The following ACADSB variants were observed in gnomAD, a reference collection of about 807,000 sequenced individuals.
The protein encoded by ACADSB is acyl-CoA dehydrogenase short/branched chain.
ACADSB carries 40 observed loss-of-function variants against 54.1 expected under a neutral mutation model. The observed-to-expected ratio is 0.74, with a 90% CI of 0.57 to 0.96. The LOEUF (loss-of-function observed/expected upper bound fraction) is 0.96, where lower values mean the gene tolerates loss of function less well. ACADSB is among the 40% of genes least tolerant of loss of function. The probability of loss-of-function intolerance (pLI) is 0.00; values close to 1 mark genes in which losing one functional copy is unlikely to be tolerated. For synonymous variants in ACADSB, 182 were observed against 182.8 expected (o/e 1.00, Z 0.03); for missense variants, 530 against 510.4 (o/e 1.04, Z -0.37).
chr10:123,031,631 A>C (rs1234775503), intron 1 of ACADSB, among the ~76,000 whole-genome samples: 1 of 152,232 alleles, frequency 6.6e-6, no homozygotes, highest in African/African-American at 2.4e-5. Flanking sequence ...AGACTGTCAT[A>C]GTATTAATAA....
At chr10:123,051,253 TATTAAC>T in intron 9 of ACADSB, 67 bp downstream of exon 9, 2 of 1,413,862 alleles carry the variant, frequency 1.4e-6, no homozygotes, top group Non-Finnish European at 1.9e-6. Context: ...GATATATACT[TATTAAC>T]ATTTTCTCTT....
Position 123,040,643 on chromosome 10 carries a change from A to G in ACADSB, c.481A>G (p.Thr161Ala), listed in dbSNP as rs555765069. 1.9e-6 allele frequency: 3 copies of G among 1,613,972 alleles called. No homozygotes were observed. Among genetic ancestry groups the G allele is most frequent in the Non-Finnish European group, 2.5e-6 (3 of 1,179,864 alleles). The change falls in exon 4 of 11, where the codon ACC (threonine) becomes GCC (alanine). Residue 161 changes from threonine (T) to alanine (A), a missense_variant. Coordinates refer to ENST00000358776, the MANE Select transcript of ACADSB (RefSeq NM_001609.4). ...RKHGTEEQKATYLPQLTTEKV... is the reference protein window; with the variant it reads ...RKHGTEEQKAAYLPQLTTEKV... ...ACATGGAACAGAAGAACAAAAGGCC[A>G]CCTATTTGCCTCAGCTCACTACAGA...
intron 4 of ACADSB, 92 bp from the exon 5 acceptor site, chr10:123,041,117 T>C: frequency 7.3e-7 from 1 of 1,364,570 alleles, no homozygotes; most frequent in Non-Finnish European, 1.0e-6. Flanking sequence ...AGCTAAAGAT[T>C]TGATTTACAA....
At chr10:123,013,800 G>A (rs1448450644) in intron 1 of ACADSB, among the ~76,000 whole-genome samples, 1 of 152,220 alleles carries the variant, frequency 6.6e-6, no homozygotes, top group Non-Finnish European at 1.5e-5. Context: ...CGCTCCGAGT[G>A]CAGGGCCTGC....
chr10:123,048,429 G>GT lies in ACADSB; in HGVS notation c.990+1141dup, dbSNP rs561896904. 2.7e-3 allele frequency among the ~76,000 whole-genome samples: 397 copies of GT among 148,256 alleles called. 2 individuals are homozygous for GT. Among genetic ancestry groups the GT allele is most frequent in the African/African-American group, 8.5e-3 (346 of 40,472 alleles). Reference sequence around the variant, plus strand: ...AGCTAATATGGGGCCAAAAGTAGAGGTTTTTTTTTTGTCTTGGCTTCTAGT... The same window carrying GT: ...AGCTAATATGGGGCCAAAAGTAGAGGTTTTTTTTTTTGTCTTGGCTTCTAGT... On this transcript the variant is annotated intron_variant, in intron 8 of 10. Transcript: ENST00000358776.
chr10:123,028,356 A>G (rs1201010184), intron 1 of ACADSB, among the ~76,000 whole-genome samples: 1 of 152,236 alleles, frequency 6.6e-6, no homozygotes. Flanking sequence ...TTTAAAAGCA[A>G]GCCTACTTTG....
At chr10:123,030,492 A>G (rs190026666) in intron 1 of ACADSB, among the ~76,000 whole-genome samples, 1 of 146,670 alleles carries the variant, frequency 6.8e-6, no homozygotes, top group Admixed American at 7.1e-5. Context: ...GTACCATTGC[A>G]CTCCAGCCTG....
intron 1 of ACADSB, among the ~76,000 whole-genome samples, chr10:123,022,358 T>G (rs12261774): frequency 0.3 from 45,205 of 152,152 alleles, 7,960 homozygotes; most frequent in Non-Finnish European, 0.39. Flanking sequence ...CATTGTAAAA[T>G]GATGAAGCCA....
At chr10:123,048,428 GGTTTTTTTTTT>G (rs1402750252) in intron 8 of ACADSB, among the ~76,000 whole-genome samples, 4 of 151,830 alleles carry the variant, frequency 2.6e-5, no homozygotes, top group Admixed American at 1.3e-4. Flanking sequence ...CAAAAGTAGA[GGTTTTTTTTTT>G]GTCTTGGCTT....
At chr10:123,031,364 C>T (rs970540795) in intron 1 of ACADSB, among the ~76,000 whole-genome samples, 5 of 152,228 alleles carry the variant, frequency 3.3e-5, no homozygotes, top group Non-Finnish European at 7.3e-5. Flanking sequence ...AGAAACAGAT[C>T]AGACTCAAGC....
In ACADSB at chr10:123,056,754, A is replaced by G. The variant is rs1850714179; in HGVS notation, c.*2989A>G. Reference sequence around the variant, plus strand: ...AACATTTTAGTAATTTAATAAAAGGATAATGTTTATTTAAAAAACCTGACT... The same window carrying G: ...AACATTTTAGTAATTTAATAAAAGGGTAATGTTTATTTAAAAAACCTGACT... On this transcript the variant is annotated 3_prime_UTR_variant, in exon 11 of 11. Transcript: ENST00000358776. 6.6e-6 allele frequency: 1 copy of G among 152,286 alleles called. No individual in the cohort carries two copies. The highest frequency in any genetic ancestry group is 1.5e-5 in the Non-Finnish European group (1 of 68,048). 9.4% of individuals were successfully genotyped at this position (152,286 alleles called of 1,614,324 possible).
At chr10:123,046,823 C>T (rs1453350514) in intron 7 of ACADSB, among the ~76,000 whole-genome samples, 3 of 152,200 alleles carry the variant, frequency 2.0e-5, no homozygotes, top group Admixed American at 2.0e-4. Flanking sequence ...GGGCCTTCCT[C>T]TATAGCCTTC....
Position 123,053,124 on chromosome 10 carries a change from T to C in ACADSB, c.1192T>C (p.Tyr398His), listed in dbSNP as rs1160019369. The C allele has an allele frequency of 1.2e-6, 2 of 1,614,016 alleles. No individual in the cohort carries two copies. Among genetic ancestry groups the C allele is most frequent in the Admixed American group, 1.7e-5 (1 of 60,014 alleles). Residue 398 changes from tyrosine to histidine, a missense_variant, in exon 10 of 11, where the codon TAC (tyrosine) becomes CAC (histidine). Tyr to His is a moderately conservative substitution (Grantham distance 83, BLOSUM62 2). Coordinates refer to ENST00000358776, the MANE Select transcript of ACADSB (RefSeq NM_001609.4). ...WMGGVGYTKDYPVEKYFRDAK... is the reference protein window; with the variant it reads ...WMGGVGYTKDHPVEKYFRDAK... ...GGGGGGAGTAGGCTACACCAAAGAT[T>C]ACCCTGTGGAGAAATACTTCCGAGA...
chr10:123,016,567 C>A (rs755076985), intron 1 of ACADSB, among the ~76,000 whole-genome samples: 14 of 152,286 alleles, frequency 9.2e-5, no homozygotes, highest in Middle Eastern at 6.8e-3. Context: ...TATAGACATA[C>A]GGAGTCCTTC....
Position 123,044,503 on chromosome 10 carries a change from T to A in ACADSB, c.900+18T>A. 6.3e-7 allele frequency: 1 copy of A among 1,577,430 alleles called. No individual in the cohort carries two copies. The highest frequency in any genetic ancestry group is 8.7e-7 in the Non-Finnish European group (1 of 1,146,774). ...CTGCACAGGTAAGTCAGATTTAAAC[T>A]CTTCCATGATGTGAGTCAATTAAAC... On this transcript the variant is annotated intron_variant, in intron 7 of 10. Transcript: ENST00000358776.
chr10:123,043,310 AGC>A (rs1031352550), intron 6 of ACADSB, 139 bp downstream of exon 6: 1 of 1,064,216 alleles, frequency 9.4e-7, no homozygotes, highest in Non-Finnish European at 1.4e-6. Context: ...AACCCTGAAC[AGC>A]GCTCTTTAGT....
rs941554553 is a variant in ACADSB at position 123,052,734 on chromosome 10, G to A, written c.1129-327G>A. The A allele has an allele frequency of 7.3e-5, 24 of 329,776 alleles. No individual in the cohort carries two copies. The highest frequency in any genetic ancestry group is 3.4e-4 in the South Asian group (12 of 35,622). The allele number at this position is 329,776 out of a possible 1,614,324, so 20.4% of individuals were successfully genotyped here. A position where few individuals can be genotyped will look rare whatever the true frequency, so the allele number is the denominator to read the frequency against. ...CATTCTCCCCTTGGAGGATTTCGAC[G>A]TGTTGGTCCTCAGCTTGAAATGTCC... On this transcript the variant is annotated intron_variant, in intron 9 of 10. Coordinates refer to ENST00000358776, the MANE Select transcript of ACADSB (RefSeq NM_001609.4). This position sits in a 1 kb window ranked among gnomAD's most constrained non-coding sequence, Gnocchi z 4.2.
chr10:123,023,635 G>A (rs886246577), intron 1 of ACADSB, among the ~76,000 whole-genome samples: 17 of 152,116 alleles, frequency 1.1e-4, no homozygotes, highest in African/African-American at 3.9e-4. Flanking sequence ...AGTTTCCATG[G>A]CAGTTTGGTT....
chr10:123,029,955 T>G (rs1402447162), intron 1 of ACADSB, among the ~76,000 whole-genome samples: 2 of 152,228 alleles, frequency 1.3e-5, no homozygotes, highest in South Asian at 2.1e-4. Context: ...GGGAAGACTT[T>G]CTTCACACAT....
Sources: allele counts gnomAD v4.1 joint callset (sites outside exome capture counted in the v4.1 genomes callset), GRCh38; gene constraint gnomAD v4.1.1; non-coding constraint Gnocchi (gnomAD v3.1); transcripts MANE v1.5; gene names NCBI Gene and HGNC (gene_info 2026-07-23, HGNC 2026-07-21).